Variants in CNTNAP2 observed in about 807,000 individuals in gnomAD.
CNTNAP2 encodes the protein contactin associated protein 2.
In CNTNAP2, 98 loss-of-function variants were observed where a neutral mutation model predicts 155.2. The ratio of observed to expected loss-of-function variants is 0.63; its 90% CI spans 0.54 to 0.75. CNTNAP2 has a LOEUF of 0.75. Among genes scored for constraint, CNTNAP2 ranks in the 30% least tolerant of loss-of-function variants. The probability of loss-of-function intolerance (pLI) is 0.00; values close to 1 mark genes in which losing one functional copy is unlikely to be tolerated. For synonymous variants in CNTNAP2, 651 were observed against 631.2 expected (o/e 1.03, Z -0.47); for missense variants, 1,727 against 1,688.1 (o/e 1.02, Z -0.40).
At chr7:148,096,267 G>A (rs1199229723) in intron 15 of CNTNAP2, among the ~76,000 whole-genome samples, 2 of 141,692 alleles carry the variant, frequency 1.4e-5, no homozygotes, top group East Asian at 2.4e-4. Flanking sequence ...GTTTTTCTGC[G>A]TGCATGCATG....
intron 13 of CNTNAP2, among the ~76,000 whole-genome samples, chr7:147,713,629 C>T (rs765822280): frequency 5.9e-5 from 9 of 152,116 alleles, no homozygotes; most frequent in Admixed American, 4.6e-4. Context: ...TTTGAACATA[C>T]GTTTTCATTT....
intron 1 of CNTNAP2, among the ~76,000 whole-genome samples, chr7:146,612,518 ATGAGTATCCATTCT>A (rs1310381660): frequency 6.6e-6 from 1 of 152,156 alleles, no homozygotes; most frequent in East Asian, 1.9e-4. Context: ...GCCAGAGATT[ATGAGTATCCATTCT>A]TGTTGGCAGA....
At chr7:147,840,586 T>A (rs13233606) in intron 13 of CNTNAP2, among the ~76,000 whole-genome samples, 2 of 152,092 alleles carry the variant, frequency 1.3e-5, no homozygotes, top group African/African-American at 4.8e-5. Flanking sequence ...AAAGCACTTA[T>A]GCAGAATCAA....
At chr7:146,839,530 T>C (rs992561763) in intron 2 of CNTNAP2, among the ~76,000 whole-genome samples, 181 bp from the exon 3 acceptor site, 2 of 152,140 alleles carry the variant, frequency 1.3e-5, no homozygotes, top group African/African-American at 4.8e-5. Context: ...AAAGAATCAA[T>C]GTTACCAGCT....
chr7:147,755,897 A>G (rs1308148477), intron 13 of CNTNAP2, among the ~76,000 whole-genome samples: 1 of 152,280 alleles, frequency 6.6e-6, no homozygotes, highest in African/African-American at 2.4e-5. Flanking sequence ...GCTTATATAC[A>G]AAGTTTGTAG....
rs559437116 is a variant in CNTNAP2 at position 148,191,443 on chromosome 7, T to C, written c.3010+18965T>C. Among the ~76,000 whole-genome samples the C allele has an allele frequency of 2.6e-5, 4 of 152,350 alleles. No individual in the cohort carries two copies. In the East Asian group the frequency reaches 7.7e-4, roughly 29 times the overall value. ...ATATATTTCTGTTCATTATACATTA[T>C]CTGCAGTATTCTGTGATAGCAGCGC... On this transcript the variant is annotated intron_variant, in intron 18 of 23. Transcript: ENST00000361727.
At chr7:147,656,168 T>C (rs145412018) in intron 13 of CNTNAP2, among the ~76,000 whole-genome samples, 1 of 152,358 alleles carries the variant, frequency 6.6e-6, no homozygotes, top group African/African-American at 2.4e-5. Context: ...GGCTATGGCT[T>C]AAGGGAATGT....
At chr7:147,615,460 G>T (rs765409674) in intron 12 of CNTNAP2, among the ~76,000 whole-genome samples, 13 of 150,902 alleles carry the variant, frequency 8.6e-5, no homozygotes, top group Non-Finnish European at 1.8e-4. Context: ...AAAAAAGAAT[G>T]CAAGAAGATA....
intron 1 of CNTNAP2, among the ~76,000 whole-genome samples, chr7:146,621,086 T>C (rs1251000816): frequency 1.3e-5 from 2 of 152,284 alleles, no homozygotes; most frequent in African/African-American, 4.8e-5. Context: ...TCTTAGCAAA[T>C]GCCGAGCTAG....
intron 13 of CNTNAP2, among the ~76,000 whole-genome samples, chr7:147,657,457 ATGATC>A (rs71692493): frequency 0.012 from 1,745 of 151,694 alleles, 46 homozygotes; most frequent in African/African-American, 0.04. Context: ...ATTTTAAAAA[ATGATC>A]TGAGGTGAGA....
At chr7:147,983,774 T>G (rs1253878865) in intron 15 of CNTNAP2, among the ~76,000 whole-genome samples, 2 of 152,186 alleles carry the variant, frequency 1.3e-5, no homozygotes, top group Non-Finnish European at 2.9e-5. Flanking sequence ...GCATCTGGGT[T>G]AAGATAAGGG....
intron 1 of CNTNAP2, among the ~76,000 whole-genome samples, chr7:146,599,032 A>AT (rs1798906457): frequency 6.6e-6 from 1 of 151,914 alleles, no homozygotes; most frequent in African/African-American, 2.4e-5. Flanking sequence ...GGAGTCAGTC[A>AT]TTTTTTTCCC....
chr7:147,606,870 C>T (rs934684113), intron 12 of CNTNAP2, among the ~76,000 whole-genome samples: 1 of 152,036 alleles, frequency 6.6e-6, no homozygotes. Flanking sequence ...CAGTGTCCTG[C>T]ATGGGGGCAG....
chr7:148,194,679 C>G (rs190571211), intron 18 of CNTNAP2, among the ~76,000 whole-genome samples: 1 of 152,046 alleles, frequency 6.6e-6, no homozygotes, highest in Non-Finnish European at 1.5e-5. Context: ...CAGTCCAAGA[C>G]GAGAGGCCTA....
chr7:147,303,396 G>A (rs377026504), intron 9 of CNTNAP2, among the ~76,000 whole-genome samples: 29 of 152,154 alleles, frequency 1.9e-4, no homozygotes, highest in South Asian at 4.1e-4. Flanking sequence ...TGGGTGTACC[G>A]TTTCTGCACT....
At chr7:146,404,130 A>AAAAAAAAAC (rs1795755203) in intron 1 of CNTNAP2, among the ~76,000 whole-genome samples, 2 of 138,714 alleles carry the variant, frequency 1.4e-5, no homozygotes, top group African/African-American at 6.1e-5. Context: ...GTCTCAAAAA[A>AAAAAAAAAC]AAAAAAAAAA....
chr7:148,302,572 G>C (rs1275223002), intron 21 of CNTNAP2, among the ~76,000 whole-genome samples: 1 of 152,118 alleles, frequency 6.6e-6, no homozygotes, highest in Non-Finnish European at 1.5e-5. Context: ...GTCAAGGGGG[G>C]ACCTGGTGGG....
At chr7:147,904,900 TACACACACACAC>T (rs58242194) in intron 14 of CNTNAP2, among the ~76,000 whole-genome samples, 1 of 149,086 alleles carries the variant, frequency 6.7e-6, no homozygotes, top group Non-Finnish European at 1.5e-5. Context: ...AAGATGTATC[TACACACACACAC>T]ACACACACAC....
chr7:146,717,847 C>A (rs1801218260), intron 1 of CNTNAP2, among the ~76,000 whole-genome samples: 2 of 151,492 alleles, frequency 1.3e-5, no homozygotes, highest in African/African-American at 4.9e-5. Flanking sequence ...ATGCATTATC[C>A]CTACCTTACA....
Sources: gnomAD v4.1 joint callset for allele counts (sites outside exome capture counted in the v4.1 genomes callset) on GRCh38, gnomAD v4.1.1 for gene constraint, MANE v1.5 for transcripts, NCBI Gene and HGNC (gene_info 2026-07-23, HGNC 2026-07-21) for gene names.